HIRA: variants seen among roughly 807,000 people sequenced by gnomAD.
The protein encoded by HIRA is protein HIRA.
Under a neutral mutation model 126.6 loss-of-function variants are expected in HIRA, and 13 were observed. That is an observed-to-expected ratio of 0.10 (90% CI 0.07 to 0.16). HIRA has a LOEUF of 0.16. Ranked by LOEUF, HIRA falls within the 10% of genes least tolerant of loss-of-function variation. The pLI, the probability that HIRA is intolerant of heterozygous loss-of-function variation, is 1.00. For synonymous variants in HIRA, 511 were observed against 520.0 expected (o/e 0.98, Z 0.24); for missense variants, 834 against 1,314.4 (o/e 0.63, Z 5.65).
At chr22:19,396,656 C>T (rs1475725149) in intron 7 of HIRA, 131 bp downstream of exon 7, 7 of 842,648 alleles carry the variant, frequency 8.3e-6, no homozygotes, top group Non-Finnish European at 1.3e-5. Flanking sequence ...TTGGTGAATC[C>T]GCTCAGGCCC....
chr22:19,362,390 TGGAA>T (rs1302421538), intron 15 of HIRA, among the ~76,000 whole-genome samples: 2 of 152,162 alleles, frequency 1.3e-5, no homozygotes, highest in Admixed American at 6.5e-5. Context: ...TCATAGGGCA[TGGAA>T]GGAAAGAGTG....
At chr22:19,332,617 G>C in intron 24 of HIRA, among the ~76,000 whole-genome samples, 1 of 151,034 alleles carries the variant, frequency 6.6e-6, no homozygotes, top group Admixed American at 6.6e-5. Context: ...ACTTGCAAGA[G>C]AATGGTAAAA....
At chr22:19,369,858 G>A (rs187108480) in intron 15 of HIRA, among the ~76,000 whole-genome samples, 1 of 152,314 alleles carries the variant, frequency 6.6e-6, no homozygotes, top group African/African-American at 2.4e-5. Context: ...GAGCCTGGGA[G>A]ACAGAGGTTG....
At chr22:19,407,334 T>A (rs2089316380) in intron 3 of HIRA, 60 bp from the exon 4 acceptor site, 1 of 1,353,042 alleles carries the variant, frequency 7.4e-7, no homozygotes, top group East Asian at 2.3e-5. Flanking sequence ...TTGCTTTATG[T>A]AGAGTTTGGC....
At chr22:19,424,433 G>T (rs1411780471) in intron 1 of HIRA, among the ~76,000 whole-genome samples, 4 of 152,184 alleles carry the variant, frequency 2.6e-5, no homozygotes, top group Non-Finnish European at 4.4e-5. Context: ...TGCCAGAAAA[G>T]GCTCACCAAG....
At chr22:19,359,263 A>G in intron 18 of HIRA, 73 bp downstream of exon 18, 1 of 1,436,600 alleles carries the variant, frequency 7.0e-7, no homozygotes. Context: ...CCTCCCCTAG[A>G]CAGGCCCAGG....
intron 3 of HIRA, 109 bp downstream of exon 3, chr22:19,408,374 G>A (rs1343752872): frequency 7.2e-6 from 5 of 694,100 alleles, no homozygotes; most frequent in South Asian, 1.6e-5. Flanking sequence ...ACAGCAGGCC[G>A]AGGGGAGTTA....
At chr22:19,428,845 C>A (rs1047763839) in intron 1 of HIRA, among the ~76,000 whole-genome samples, 20 of 152,142 alleles carry the variant, frequency 1.3e-4, no homozygotes, top group Non-Finnish European at 2.8e-4. Flanking sequence ...AACAAGGAAG[C>A]CAGAAAGTGC....
At chr22:19,343,219 A>G (rs574436533) in intron 24 of HIRA, among the ~76,000 whole-genome samples, 9 of 152,136 alleles carry the variant, frequency 5.9e-5, no homozygotes, top group Non-Finnish European at 8.8e-5. Context: ...AGGATATTCA[A>G]TAAGATTATC....
At chr22:19,426,420 C>A (rs889340561) in intron 1 of HIRA, among the ~76,000 whole-genome samples, 2 of 152,214 alleles carry the variant, frequency 1.3e-5, no homozygotes, top group African/African-American at 4.8e-5. Context: ...TGGGCCTTTT[C>A]TCCTGATGGT....
intron 24 of HIRA, among the ~76,000 whole-genome samples, chr22:19,334,060 C>T (rs185422736): frequency 2.6e-5 from 4 of 151,314 alleles, no homozygotes; most frequent in African/African-American, 4.9e-5. Context: ...CTGCAAGCTC[C>T]GCCTCCTGGG....
chr22:19,396,975 G>A (rs1257550211), intron 6 of HIRA, 28 bp from the exon 7 acceptor site: 2 of 1,610,650 alleles, frequency 1.2e-6, no homozygotes, highest in Non-Finnish European at 1.7e-6. Context: ...ATGTGGAGAG[G>A]TGTTGTCTGA....
intron 10 of HIRA, 116 bp downstream of exon 10, chr22:19,388,368 T>C: frequency 1.3e-6 from 1 of 748,072 alleles, no homozygotes; most frequent in Non-Finnish European, 2.4e-6. Flanking sequence ...TGCGCTACTA[T>C]GACACCTGGG....
intron 5 of HIRA, 194 bp downstream of exon 5, chr22:19,405,592 T>A: frequency 1.2e-6 from 1 of 807,496 alleles, no homozygotes; most frequent in Non-Finnish European, 1.5e-6. Flanking sequence ...TGAATGCAGC[T>A]GGAGACAGGT....
intron 15 of HIRA, among the ~76,000 whole-genome samples, chr22:19,369,177 G>A (rs575146941): frequency 2.0e-5 from 3 of 152,122 alleles, no homozygotes; most frequent in Non-Finnish European, 4.4e-5. Context: ...CTTACCTCAG[G>A]TCCCTACGTG....
At position 19,431,733 on chromosome 22, in the gene HIRA, C is replaced by G; in HGVS notation, c.-257G>C. 3.0e-6 allele frequency: 1 copy of G among 338,188 alleles called. No individual in the cohort carries two copies. The allele number at this position is 338,188 out of a possible 1,614,324, so 20.9% of individuals were successfully genotyped here. ...TCCTCCTCAGGCGGCTCCCGGGCAACGCCGGAAGTCACGGCGCGCACCTGC... is the reference window on the plus strand; with the variant it reads ...TCCTCCTCAGGCGGCTCCCGGGCAAGGCCGGAAGTCACGGCGCGCACCTGC... On this transcript the variant is annotated 5_prime_UTR_variant, in exon 1 of 25. Coordinates refer to ENST00000263208, the MANE Select transcript of HIRA (RefSeq NM_003325.4).
chr22:19,332,150 T>C (rs996647064), intron 24 of HIRA, among the ~76,000 whole-genome samples: 1 of 152,170 alleles, frequency 6.6e-6, no homozygotes, highest in South Asian at 2.1e-4. Flanking sequence ...GGGTCTCTGC[T>C]GCACAGACCA....
rs1187868647 is a variant in HIRA at position 19,361,746 on chromosome 22, G to T, written c.1961C>A (p.Pro654His). ...GRPRKDSRLM[P>H]VSLSVQSPAA... The stretch of plus-strand genomic sequence containing the variant: ...CCTCACCTGGACAGACAGAGACACA[G>T]GCATGAGACGAGAGTCCTTCCGAGG... The change falls in exon 16 of 25, where the codon CCT becomes CAT. Residue 654 changes from proline to histidine, a missense_variant. Transcript: ENST00000263208. 4 of 1,612,384 alleles carry T rather than the reference G, an allele frequency of 2.5e-6. No homozygotes were observed. The Admixed American group carries it at 6.7e-5, about 27-fold the overall frequency.
intron 2 of HIRA, among the ~76,000 whole-genome samples, chr22:19,409,951 A>T (rs2089338952): frequency 6.6e-6 from 1 of 152,136 alleles, no homozygotes; most frequent in Non-Finnish European, 1.5e-5. Flanking sequence ...GGGTGGAAGC[A>T]TCTGCTGGAA....
Sources: gnomAD v4.1 joint callset for allele counts (sites outside exome capture counted in the v4.1 genomes callset) on GRCh38, gnomAD v4.1.1 for gene constraint, MANE v1.5 for transcripts, NCBI Gene and HGNC (gene_info 2026-07-23, HGNC 2026-07-21) for gene names.